The following CELF2 variants were observed in gnomAD, a reference collection of about 807,000 sequenced individuals.
CELF2 encodes CUG triplet repeat RNA-binding protein 2.
In CELF2, 8 loss-of-function variants were observed where a neutral mutation model predicts 62.6. The observed-to-expected ratio is 0.13, with a 90% CI of 0.07 to 0.23. The LOEUF is 0.23. Among genes scored for constraint, CELF2 ranks in the 10% least tolerant of loss-of-function variants. The pLI, the probability that CELF2 is intolerant of heterozygous loss-of-function variation, is 1.00. For synonymous variants in CELF2, 258 were observed against 250.0 expected (o/e 1.03, Z -0.30); for missense variants, 333 against 671.0 (o/e 0.50, Z 5.56).
At chr10:10,553,517 A>T in the CELF2 span, among the ~76,000 whole-genome samples, 1 of 152,162 alleles carries the variant, frequency 6.6e-6, no homozygotes, top group Non-Finnish European at 1.5e-5. Context: ...GAGGATGCAC[A>T]ACTCAGTCCA....
chr10:10,882,466 G>A (rs1034532917), intron 1 of CELF2, among the ~76,000 whole-genome samples: 2 of 152,202 alleles, frequency 1.3e-5, no homozygotes, highest in African/African-American at 4.8e-5. Context: ...TGTCTGAACA[G>A]GGAAGGAAGT....
chr10:11,292,313 A>T (rs955860973), intron 9 of CELF2, among the ~76,000 whole-genome samples: 2 of 152,202 alleles, frequency 1.3e-5, no homozygotes, highest in Admixed American at 6.5e-5. Context: ...CTCGCCTCAC[A>T]TAGTCATGAC....
chr10:11,009,844 A>G (rs1404793478), intron 1 of CELF2, among the ~76,000 whole-genome samples: 2 of 152,238 alleles, frequency 1.3e-5, no homozygotes, highest in Non-Finnish European at 2.9e-5. Context: ...GTTTCAAGTT[A>G]TGATGCTGAC....
chr10:11,331,857 C>T lies in CELF2; in HGVS notation c.*2804C>T, dbSNP rs2096029260. 1 of 152,620 alleles carries T rather than the reference C, an allele frequency of 6.6e-6. No homozygotes were observed. The highest frequency in any genetic ancestry group is 6.5e-5 in the Admixed American group (1 of 15,288). The allele number at this position is 152,620 out of a possible 1,614,324, so 9.5% of individuals were successfully genotyped here. ...TTTTGAACTTTTAACCCTTTCTACC[C>T]AGAGCTATCTGGAATGTTGATGACT... On this transcript the variant is annotated 3_prime_UTR_variant, in exon 13 of 13. Coordinates refer to ENST00000633077, the MANE Select transcript of CELF2 (RefSeq NM_001326342.2).
chr10:10,710,054 C>T, the CELF2 span, among the ~76,000 whole-genome samples: 1 of 152,168 alleles, frequency 6.6e-6, no homozygotes, highest in East Asian at 1.9e-4. Context: ...GATTCTAGGA[C>T]CCCAAAACAA....
At chr10:11,197,013 AAAGAAAGAAAG>A (rs200617562) in intron 2 of CELF2, among the ~76,000 whole-genome samples, 23 of 12,060 alleles carry the variant, frequency 1.9e-3, no homozygotes, top group African/African-American at 5.8e-3. Context: ...AGAAAGAAAG[AAAGAAAGAAAG>A]AAAAGAAAGA....
chr10:11,257,461 T>C (rs760746197), intron 4 of CELF2: 80 of 302,878 alleles, frequency 2.6e-4, no homozygotes, highest in Middle Eastern at 1.3e-3. Context: ...AGTTTCTGAA[T>C]AGGAGAAAAG....
At chr10:10,655,073 C>T in the CELF2 span, among the ~76,000 whole-genome samples, 2 of 150,192 alleles carry the variant, frequency 1.3e-5, no homozygotes, top group African/African-American at 2.4e-5. Context: ...TATACACCAA[C>T]AACAGACAAA....
chr10:11,126,305 CAT>C (rs776951014), intron 1 of CELF2, among the ~76,000 whole-genome samples: 1 of 152,186 alleles, frequency 6.6e-6, no homozygotes, highest in Non-Finnish European at 1.5e-5. Flanking sequence ...TTTTCTCTCA[CAT>C]GTCTACTCAC....
the CELF2 span, among the ~76,000 whole-genome samples, chr10:10,635,304 C>A: frequency 6.6e-6 from 1 of 152,112 alleles, no homozygotes; most frequent in Non-Finnish European, 1.5e-5. Context: ...ATCTCACTTC[C>A]TGCAAAAAGA....
At chr10:10,958,143 A>AT (rs1320896623) in intron 2 of CELF2, among the ~76,000 whole-genome samples, 1 of 152,196 alleles carries the variant, frequency 6.6e-6, no homozygotes, top group Non-Finnish European at 1.5e-5. Context: ...AGAAGGGTGG[A>AT]TAAAGGGAAT....
At chr10:10,554,327 G>A in the CELF2 span, among the ~76,000 whole-genome samples, 1 of 152,100 alleles carries the variant, frequency 6.6e-6, no homozygotes, top group Non-Finnish European at 1.5e-5. Flanking sequence ...TCCTGTATCA[G>A]CAGAGAGCAT....
At position 10,988,294 on chromosome 10, in the gene CELF2, TAGAG is replaced by T. The variant is rs113642206; in HGVS notation, c.89+68312_89+68315del. On this transcript the variant is annotated intron_variant, in intron 2 of 13. Coordinates refer to the CELF2 transcript ENST00000636488. Reference sequence around the variant, plus strand: ...GTGTGTGTGTATATATATATATATATAGAGAGAGAGAGAGAGAGAGCATGGAATA... The same window carrying T: ...GTGTGTGTGTATATATATATATATATAGAGAGAGAGAGAGAGCATGGAATA... Among the ~76,000 whole-genome samples, 78 of 140,836 alleles carry T rather than the reference TAGAG, an allele frequency of 5.5e-4. 2 individuals are homozygous for T. The highest frequency in any genetic ancestry group is 1.9e-3 in the African/African-American group (66 of 34,504). 92.4% of individuals were successfully genotyped at this position (140,836 alleles called of 152,430 possible).
At chr10:10,754,590 G>A in the CELF2 span, among the ~76,000 whole-genome samples, 1 of 152,182 alleles carries the variant, frequency 6.6e-6, no homozygotes, top group Non-Finnish European at 1.5e-5. Flanking sequence ...CATGATTTAA[G>A]GGTGTTTAGC....
rs570721145 is a variant in CELF2 at position 11,298,681 on chromosome 10, A to AT, written c.976+10131dup. On this transcript the variant is annotated intron_variant, in intron 9 of 12. Transcript: ENST00000633077. ...TAATACTCACTTTTCTTGTGGAAAC[A>AT]TTGAGGTTTATATATACACACATAT... Among the ~76,000 whole-genome samples, 329 of 152,326 alleles carry AT rather than the reference A, an allele frequency of 2.2e-3. 5 individuals are homozygous for AT. Among genetic ancestry groups the AT allele is most frequent in the African/African-American group, 7.6e-3 (315 of 41,558 alleles).
rs953344341 is a variant in CELF2 at position 11,315,678 on chromosome 10, C to T, written c.1096+1420C>T. On this transcript the variant is annotated intron_variant, in intron 10 of 12. Coordinates refer to ENST00000633077, the MANE Select transcript of CELF2 (RefSeq NM_001326342.2). The surrounding 1 kb of genome is among the most constrained non-coding windows in gnomAD (Gnocchi z 5.8). Reference sequence around the variant, plus strand: ...GGGACGGCTCGTGATTAGCGTGGAGCCCGTGAAGTGGTAGCTGTGCCGCGG... The same window carrying T: ...GGGACGGCTCGTGATTAGCGTGGAGTCCGTGAAGTGGTAGCTGTGCCGCGG... Among the ~76,000 whole-genome samples, 8 of 152,174 alleles carry T rather than the reference C, an allele frequency of 5.3e-5. No homozygotes were observed. Among genetic ancestry groups the T allele is most frequent in the African/African-American group, 1.7e-4 (7 of 41,422 alleles).
intron 2 of CELF2, among the ~76,000 whole-genome samples, chr10:11,170,249 G>A (rs1276433745): frequency 6.6e-6 from 1 of 152,112 alleles, no homozygotes; most frequent in Non-Finnish European, 1.5e-5. Flanking sequence ...GAGACAGAGG[G>A]GCATTCAGGA....
In CELF2 at chr10:11,311,472, C is replaced by G. The variant is rs2094556215; in HGVS notation, c.977-2667C>G. Among the ~76,000 whole-genome samples the G allele has an allele frequency of 6.6e-6, 1 of 151,820 alleles. No homozygotes were observed. The highest frequency in any genetic ancestry group is 1.5e-5 in the Non-Finnish European group (1 of 67,946). On this transcript the variant is annotated intron_variant, in intron 9 of 12. Coordinates refer to ENST00000633077, the MANE Select transcript of CELF2 (RefSeq NM_001326342.2). This position sits in a 1 kb window ranked among gnomAD's most constrained non-coding sequence, Gnocchi z 4.7. ...AACCCCACAAAATATACAAGTAAAC[C>G]AAGCACCAAGAGTGAGAAATAGCAG...
chr10:10,958,572 AGAT>A (rs2049144299), intron 2 of CELF2, among the ~76,000 whole-genome samples: 1 of 152,200 alleles, frequency 6.6e-6, no homozygotes. Flanking sequence ...AAACCAACAA[AGAT>A]GGCTGGGCAT....
Sources: allele counts gnomAD v4.1 joint callset (sites outside exome capture counted in the v4.1 genomes callset), GRCh38; gene constraint gnomAD v4.1.1; non-coding constraint Gnocchi (gnomAD v3.1); transcripts MANE v1.5; gene names NCBI Gene and HGNC (gene_info 2026-07-23, HGNC 2026-07-21).